The following PRKAR2A variants were observed in gnomAD, a reference collection of about 807,000 sequenced individuals.
The protein encoded by PRKAR2A is protein kinase cAMP-dependent type II regulatory subunit alpha, also known as cAMP-dependent protein kinase type II-alpha regulatory subunit.
In PRKAR2A, 29 loss-of-function variants were observed where a neutral mutation model predicts 51.9. That is an observed-to-expected ratio of 0.56 (90% confidence interval 0.42 to 0.76). The LOEUF is 0.76. PRKAR2A is among the 30% of genes least tolerant of loss of function. PRKAR2A has a pLI of 0.00. For missense variants in PRKAR2A, 445 were observed against 512.1 expected (o/e 0.87, Z 1.26); for synonymous variants, 178 against 186.2 (o/e 0.96, Z 0.36).
chr3:48,776,837 T>C (rs575890762), intron 5 of PRKAR2A, among the ~76,000 whole-genome samples: 346 of 152,200 alleles, frequency 2.3e-3, no homozygotes, highest in Non-Finnish European at 3.9e-3. Context: ...TGAGACTCTA[T>C]CTCAAAATAA....
At chr3:48,822,999 C>A (rs1197745798) in intron 1 of PRKAR2A, among the ~76,000 whole-genome samples, 1 of 151,996 alleles carries the variant, frequency 6.6e-6, no homozygotes, top group Non-Finnish European at 1.5e-5. Flanking sequence ...AAAAAGCAAT[C>A]CCTAAAGCAT....
chr3:48,766,624 T>A (rs925049571), intron 6 of PRKAR2A, among the ~76,000 whole-genome samples: 6 of 151,986 alleles, frequency 3.9e-5, no homozygotes, highest in Non-Finnish European at 5.9e-5. Context: ...TATGAGCATA[T>A]GAAATGTGCT....
At chr3:48,816,102 CT>C (rs1423747868) in intron 1 of PRKAR2A, among the ~76,000 whole-genome samples, 1 of 152,020 alleles carries the variant, frequency 6.6e-6, no homozygotes, top group Non-Finnish European at 1.5e-5. Context: ...CCTCTCTCCC[CT>C]GTTCCCATCT....
At chr3:48,846,835 T>C (rs1273473822) in intron 1 of PRKAR2A, among the ~76,000 whole-genome samples, 1 of 152,230 alleles carries the variant, frequency 6.6e-6, no homozygotes, top group Non-Finnish European at 1.5e-5. Flanking sequence ...TGGATGAAAC[T>C]TTGTGACAAA....
intron 2 of PRKAR2A, among the ~76,000 whole-genome samples, chr3:48,800,889 G>T (rs931214817): frequency 6.6e-6 from 1 of 151,924 alleles, no homozygotes; most frequent in African/African-American, 2.4e-5. Flanking sequence ...TAGCCAGGAT[G>T]GTCTCCATCT....
intron 1 of PRKAR2A, among the ~76,000 whole-genome samples, chr3:48,831,922 A>G (rs1187842586): frequency 1.3e-5 from 2 of 152,116 alleles, no homozygotes; most frequent in African/African-American, 2.4e-5. Flanking sequence ...CTGGCCTCCA[A>G]AAAATCTTCA....
At chr3:48,752,660 C>T (rs1370242715) in intron 9 of PRKAR2A, among the ~76,000 whole-genome samples, 1 of 152,006 alleles carries the variant, frequency 6.6e-6, no homozygotes, top group Non-Finnish European at 1.5e-5. Flanking sequence ...TGAGACTGCG[C>T]CTTGAACAAC....
Position 48,837,294 on chromosome 3 carries a change from A to C in PRKAR2A, c.262+10041T>G, listed in dbSNP as rs183042224. On this transcript the variant is annotated intron_variant, in intron 1 of 10. Coordinates refer to ENST00000265563, the MANE Select transcript of PRKAR2A (RefSeq NM_004157.4). ...ACTCCAACCAGGGCAACAGAGTGAC[A>C]CCCTATCTTAAAAAATAAGAAGAAA... is the stretch of plus-strand genomic sequence containing the variant. 9.2e-5 allele frequency among the ~76,000 whole-genome samples: 14 copies of C among 152,274 alleles called. No individual in the cohort carries two copies. In the South Asian group the frequency reaches 2.7e-3, roughly 29 times the overall value.
chr3:48,839,041 A>G (rs1003917298), intron 1 of PRKAR2A, among the ~76,000 whole-genome samples: 1 of 152,016 alleles, frequency 6.6e-6, no homozygotes, highest in African/African-American at 2.4e-5. Context: ...TAATCCCAAC[A>G]CTTTGGGAGG....
At chr3:48,756,075 CG>C (rs2081759196) in intron 9 of PRKAR2A, among the ~76,000 whole-genome samples, 1 of 150,920 alleles carries the variant, frequency 6.6e-6, no homozygotes, top group Non-Finnish European at 1.5e-5. Context: ...CCACTGTGCC[CG>C]GCCCCAGCCC....
chr3:48,814,426 AAAAT>A (rs1336549216), intron 1 of PRKAR2A, among the ~76,000 whole-genome samples: 1 of 152,204 alleles, frequency 6.6e-6, no homozygotes, highest in Admixed American at 6.5e-5. Context: ...CTCAAAACAA[AAAAT>A]AAATAATCAA....
At chr3:48,816,743 C>T (rs1208236276) in intron 1 of PRKAR2A, among the ~76,000 whole-genome samples, 3 of 152,208 alleles carry the variant, frequency 2.0e-5, no homozygotes, top group African/African-American at 7.2e-5. Flanking sequence ...AAGCAATGTT[C>T]ACCTCACCTA....
At chr3:48,786,931 T>C (rs1332898221) in intron 4 of PRKAR2A, among the ~76,000 whole-genome samples, 1 of 152,008 alleles carries the variant, frequency 6.6e-6, no homozygotes, top group Non-Finnish European at 1.5e-5. Context: ...GCCAAAAATA[T>C]ATAACCATAT....
intron 5 of PRKAR2A, among the ~76,000 whole-genome samples, chr3:48,774,630 G>A (rs2082078939): frequency 6.6e-6 from 1 of 152,054 alleles, no homozygotes; most frequent in South Asian, 2.1e-4. Context: ...TATTCTCTAT[G>A]TCTACGATAT....
intron 6 of PRKAR2A, 33 bp downstream of exon 6, chr3:48,772,922 T>C: frequency 6.3e-7 from 1 of 1,599,650 alleles, no homozygotes; most frequent in Non-Finnish European, 8.5e-7. Context: ...ATTAATACTG[T>C]GCCTTGCAAG....
Position 48,751,593 on chromosome 3 carries a change from C to T in PRKAR2A, c.1207G>A (p.Gly403Arg), listed in dbSNP as rs374377380. ...TCTGGGGTGTGGCACACCTACTGCC[C>T]GAGGTTGCCCAGATCCACGCTGGAG... ...FGSSVDLGNLGQ is the reference protein window; with the variant it reads ...FGSSVDLGNLRQ The change falls in exon 11 of 11, where the codon GGG becomes AGG. Residue 403 changes from glycine to arginine, a missense_variant. Gly to Arg is a moderately radical substitution (Grantham distance 125, BLOSUM62 -2). Coordinates refer to ENST00000265563, the MANE Select transcript of PRKAR2A (RefSeq NM_004157.4). The T allele has an allele frequency of 2.2e-4, 351 of 1,611,636 alleles. No homozygotes were observed. The highest frequency in any genetic ancestry group is 2.9e-4 in the Non-Finnish European group (341 of 1,178,642).
At chr3:48,838,578 G>C (rs2083323070) in intron 1 of PRKAR2A, among the ~76,000 whole-genome samples, 1 of 150,806 alleles carries the variant, frequency 6.6e-6, no homozygotes, top group African/African-American at 2.4e-5. Flanking sequence ...CTGCACTCCA[G>C]CCTGAGCAAC....
chr3:48,847,116 C>T lies in PRKAR2A; in HGVS notation c.262+219G>A, dbSNP rs1205364654. ...TCAAGGCTGGATCTGACAAATCACTCGGTGCGCTCTAGGGCTCGCAGGATC... is the reference window on the plus strand; with the variant it reads ...TCAAGGCTGGATCTGACAAATCACTTGGTGCGCTCTAGGGCTCGCAGGATC... On this transcript the variant is annotated intron_variant, in intron 1 of 10. Coordinates refer to ENST00000265563, the MANE Select transcript of PRKAR2A (RefSeq NM_004157.4). The surrounding 1 kb of genome is among the most constrained non-coding windows in gnomAD (Gnocchi z 4.4). Among the ~76,000 whole-genome samples, 3 of 152,212 alleles carry T rather than the reference C, an allele frequency of 2.0e-5. No homozygotes were observed. The highest frequency in any genetic ancestry group is 7.2e-5 in the African/African-American group (3 of 41,466).
intron 2 of PRKAR2A, among the ~76,000 whole-genome samples, chr3:48,795,097 C>T (rs1268928745): frequency 2.0e-5 from 3 of 152,162 alleles, no homozygotes; most frequent in South Asian, 2.1e-4. Flanking sequence ...CGGCCTCAGC[C>T]TCCAGAGTAG....
Sources: allele counts gnomAD v4.1 joint callset (sites outside exome capture counted in the v4.1 genomes callset), GRCh38; gene constraint gnomAD v4.1.1; non-coding constraint Gnocchi (gnomAD v3.1); transcripts MANE v1.5; gene names NCBI Gene and HGNC (gene_info 2026-07-23, HGNC 2026-07-21).